The following NOS1 variants were observed in gnomAD, a reference collection of about 807,000 sequenced individuals.
NOS1 encodes the protein nitric oxide synthase 1, also known as NOS type I.
Under a neutral mutation model 164.5 loss-of-function variants are expected in NOS1, and 51 were observed. The observed-to-expected ratio is 0.31, with a 90% CI of 0.25 to 0.39. NOS1 has a LOEUF of 0.39. Among genes scored for constraint, NOS1 ranks in the 10% least tolerant of loss-of-function variants. The pLI, the probability that NOS1 is intolerant of heterozygous loss-of-function variation, is 1.00. For missense variants in NOS1, 1,362 were observed against 1,885.6 expected (o/e 0.72, Z 5.14); for synonymous variants, 719 against 745.8 (o/e 0.96, Z 0.59).
chr12:117,249,047 G>GT lies in NOS1; in HGVS notation c.2649-1526dup, dbSNP rs9658451. On this transcript the variant is annotated intron_variant, in intron 17 of 28. Coordinates refer to ENST00000317775, the MANE Select transcript of NOS1 (RefSeq NM_000620.5). ...TTGCCCAATTTTGATGGGGTTGTTT[G>GT]TTTTTTTCTTGTAAATTTGTTTGAG... 4.5e-3 allele frequency among the ~76,000 whole-genome samples: 692 copies of GT among 152,134 alleles called. 3 individuals are homozygous for GT. The highest frequency in any genetic ancestry group is 0.013 in the African/African-American group (532 of 41,486).
intron 13 of NOS1, 95 bp downstream of exon 13, chr12:117,263,794 A>C (rs1045222560): frequency 1.7e-5 from 15 of 870,648 alleles, no homozygotes; most frequent in Non-Finnish European, 2.7e-5. Context: ...TTCTGTAGAG[A>C]GGTCAGAGGG....
intron 20 of NOS1, among the ~76,000 whole-genome samples, chr12:117,239,047 A>G (rs1478538032): frequency 1.3e-5 from 2 of 152,232 alleles, no homozygotes; most frequent in Non-Finnish European, 2.9e-5. Flanking sequence ...GACAAGGCCA[A>G]GGGCATCTGC....
At chr12:117,312,592 T>G (rs509190) in intron 2 of NOS1, among the ~76,000 whole-genome samples, 2 of 151,594 alleles carry the variant, frequency 1.3e-5, no homozygotes, top group Non-Finnish European at 2.9e-5. Context: ...ATTTTTTTTT[T>G]TTTTATTTTC....
intron 3 of NOS1, among the ~76,000 whole-genome samples, chr12:117,305,666 T>C (rs1874104858): frequency 6.6e-6 from 1 of 152,028 alleles, no homozygotes; most frequent in Non-Finnish European, 1.5e-5. Context: ...TCCTTTGCGC[T>C]GGAGCTGGGA....
chr12:117,258,161 G>A (rs1871613196), intron 16 of NOS1, among the ~76,000 whole-genome samples: 1 of 152,138 alleles, frequency 6.6e-6, no homozygotes, highest in East Asian at 1.9e-4. Flanking sequence ...AGTCAAGGTA[G>A]GTGCTATAAT....
At chr12:117,235,725 T>C (rs1270420853) in intron 20 of NOS1, among the ~76,000 whole-genome samples, 1 of 152,204 alleles carries the variant, frequency 6.6e-6, no homozygotes, top group Admixed American at 6.5e-5. Context: ...ACTCTCAGAA[T>C]GTGATTATTC....
Position 117,213,645 on chromosome 12 carries a change from C to T in NOS1, c.*1664G>A, listed in dbSNP as rs1458887397. ...AGTGCACTTCCTCTTTAGCAGACAC[C>T]CAAACTGAACAACAAGATATGCCCA... On this transcript the variant is annotated 3_prime_UTR_variant, in exon 29 of 29. Coordinates refer to ENST00000317775, the MANE Select transcript of NOS1 (RefSeq NM_000620.5). The T allele has an allele frequency of 6.1e-6, 6 of 985,394 alleles. No homozygotes were observed. Among genetic ancestry groups the T allele is most frequent in the Non-Finnish European group, 7.2e-6 (6 of 829,938 alleles). The allele number at this position is 985,394 out of a possible 1,614,324, so 61.0% of individuals were successfully genotyped here. A position where few individuals can be genotyped will look rare whatever the true frequency, so the allele number is the denominator to read the frequency against.
intron 16 of NOS1, among the ~76,000 whole-genome samples, chr12:117,256,220 G>A (rs1442510443): frequency 6.6e-6 from 1 of 151,332 alleles, no homozygotes; most frequent in Non-Finnish European, 1.5e-5. Context: ...AGTCTCCTGG[G>A]TATCAAACTT....
chr12:117,305,071 G>A (rs1874063625), intron 3 of NOS1: 2 of 985,262 alleles, frequency 2.0e-6, no homozygotes, highest in Non-Finnish European at 2.4e-6. Flanking sequence ...ACTCAGGATT[G>A]CAGGTAGTGG....
rs1372338670 is a variant in NOS1, at chr12:117,247,443, C to T, written c.2728G>A (p.Glu910Lys). 3 of 1,613,180 alleles carry T rather than the reference C, an allele frequency of 1.9e-6. No individual in the cohort carries two copies. The highest frequency in any genetic ancestry group is 2.5e-6 in the Non-Finnish European group (3 of 1,179,718). Reference sequence around the variant, plus strand: ...TTCAGGATCCTCTCCCCTCCCAGTTCTTCCAGGAGGGTGTCCACAGCGTGT... The same window carrying T: ...TTCAGGATCCTCTCCCCTCCCAGTTTTTCCAGGAGGGTGTCCACAGCGTGT... ...FGHAVDTLLEELGGERILKMR... is the reference protein window; with the variant it reads ...FGHAVDTLLEKLGGERILKMR... The change falls in exon 18 of 29, where the codon GAA becomes AAA. Residue 910 changes from glutamate to lysine, a missense_variant. Glu to Lys is a moderately conservative substitution (Grantham distance 56). Transcript: ENST00000317775.
At chr12:117,312,725 GAATGATTGTT>G (rs1411607974) in intron 2 of NOS1, among the ~76,000 whole-genome samples, 1 of 152,090 alleles carries the variant, frequency 6.6e-6, no homozygotes, top group Non-Finnish European at 1.5e-5. Flanking sequence ...ACCTGTCCAG[GAATGATTGTT>G]AATCACCATT....
rs9658327 is a variant in NOS1 at position 117,290,263 on chromosome 12, C to T, written c.981+35G>A. On this transcript the variant is annotated intron_variant, in intron 4 of 28. Transcript: ENST00000317775. The stretch of plus-strand genomic sequence containing the variant: ...CCAAATGTGGATAGTGATGAAGCTG[C>T]CACCCTCTCATCTACACCCTGCTGG... The T allele has an allele frequency of 7.1e-3, 11,505 of 1,609,478 alleles. 719 individuals carry two copies. In the African/African-American group the frequency reaches 0.14, roughly 19 times the overall value.
chr12:117,260,431 G>A lies in NOS1; in HGVS notation c.2367+34C>T, dbSNP rs775423658. The stretch of plus-strand genomic sequence containing the variant: ...CCCTTCCTGCCTTAATTCACCATGA[G>A]AAGCTGGTGGAGCTAGGGCTACCCC... On this transcript the variant is annotated intron_variant, in intron 14 of 28. Transcript: ENST00000317775. The A allele has an allele frequency of 6.2e-6, 10 of 1,605,176 alleles. No individual in the cohort carries two copies. The South Asian group carries it at 1.1e-4, about 18-fold the overall frequency.
chr12:117,361,480 T>C (rs1340841392), intron 1 of NOS1, 32 bp downstream of exon 1: 1 of 149,096 alleles, frequency 6.7e-6, no homozygotes, highest in Non-Finnish European at 1.5e-5. Context: ...CCCGGCGCAG[T>C]GCTGGGCGCC....
At chr12:117,307,733 G>A (rs777004343) in intron 3 of NOS1, among the ~76,000 whole-genome samples, 1 of 152,024 alleles carries the variant, frequency 6.6e-6, no homozygotes, top group East Asian at 1.9e-4. Flanking sequence ...AAAATGACAT[G>A]GGCCCAGGTG....
chr12:117,210,673 T>G lies in NOS1; in HGVS notation c.*4636A>C. ...TGAGCTAGGTCAGGACACCTCTCAC[T>G]TGTTTTGAGCTTAGGGCAAGACCTG... On this transcript the variant is annotated 3_prime_UTR_variant, in exon 29 of 29. Transcript: ENST00000317775. The G allele has an allele frequency of 5.1e-6, 5 of 985,444 alleles. No individual in the cohort carries two copies. The highest frequency in any genetic ancestry group is 6.0e-6 in the Non-Finnish European group (5 of 829,950). 61.0% of individuals were successfully genotyped at this position (985,444 alleles called of 1,614,324 possible).
chr12:117,256,334 A>G (rs1871453669), intron 16 of NOS1, among the ~76,000 whole-genome samples: 1 of 135,962 alleles, frequency 7.4e-6, no homozygotes, highest in Admixed American at 8.5e-5. Context: ...CCTGGAGTGC[A>G]GTAGCGCAAT....
At position 117,260,452 on chromosome 12, in the gene NOS1, AC is replaced by A. The variant is rs748567396; in HGVS notation, c.2367+12del. 4.3e-6 allele frequency: 7 copies of A among 1,611,226 alleles called. No homozygotes were observed. Among genetic ancestry groups the A allele is most frequent in the South Asian group, 2.2e-5 (2 of 90,896 alleles). On this transcript the variant is annotated intron_variant, in intron 14 of 28. Transcript: ENST00000317775. The stretch of plus-strand genomic sequence containing the variant: ...ATGAGAAGCTGGTGGAGCTAGGGCT[AC>A]CCCCCACCTACCTTGGCATCAAAGG...
In NOS1 at chr12:117,209,746, T is replaced by C; in HGVS notation, c.*5563A>G. 4 of 985,506 alleles carry C rather than the reference T, an allele frequency of 4.1e-6. No homozygotes were observed. The highest frequency in any genetic ancestry group is 4.8e-6 in the Non-Finnish European group (4 of 829,966). 61.0% of individuals were successfully genotyped at this position (985,506 alleles called of 1,614,324 possible). A position where few individuals can be genotyped will look rare whatever the true frequency, so the allele number is the denominator to read the frequency against. ...ACGGGTGAAAGTGTACCTGGGTCCT[T>C]ACATTTGGGGAAGGGCAGCTTTTCT... On this transcript the variant is annotated 3_prime_UTR_variant, in exon 29 of 29. Transcript: ENST00000317775.
Sources: allele counts gnomAD v4.1 joint callset (sites outside exome capture counted in the v4.1 genomes callset), GRCh38; gene constraint gnomAD v4.1.1; transcripts MANE v1.5; gene names NCBI Gene and HGNC (gene_info 2026-07-23, HGNC 2026-07-21).